The following AK5 variants were observed in gnomAD, a reference collection of about 807,000 sequenced individuals.
The protein encoded by AK5 is adenylate kinase 5.
A neutral mutation model predicts 69.5 loss-of-function variants in AK5; 27 were observed. The observed-to-expected ratio is 0.39, with a 90% CI of 0.29 to 0.54. AK5 has a LOEUF of 0.54. AK5 is among the 20% of genes least tolerant of loss of function. The pLI is 0.71. For missense variants in AK5, 531 were observed against 700.4 expected (o/e 0.76, Z 2.73); for synonymous variants, 260 against 244.4 (o/e 1.06, Z -0.60).
At chr1:77,384,057 A>T (rs949107560) in intron 6 of AK5, among the ~76,000 whole-genome samples, 1 of 152,140 alleles carries the variant, frequency 6.6e-6, no homozygotes, top group African/African-American at 2.4e-5. Flanking sequence ...TCACATTTTT[A>T]AAAAAAGCCA....
At chr1:77,425,790 G>A (rs1651167255) in intron 8 of AK5, among the ~76,000 whole-genome samples, 1 of 152,124 alleles carries the variant, frequency 6.6e-6, no homozygotes, top group Admixed American at 6.5e-5. Context: ...ACATGTTTAT[G>A]TGTAAGTGAA....
intron 8 of AK5, among the ~76,000 whole-genome samples, chr1:77,429,628 C>A (rs1020608886): frequency 6.6e-6 from 1 of 152,120 alleles, no homozygotes; most frequent in Admixed American, 6.5e-5. Context: ...GTGCATGGTG[C>A]TGTGTGTAGA....
At chr1:77,367,411 C>G (rs1646970218) in intron 6 of AK5, among the ~76,000 whole-genome samples, 1 of 149,430 alleles carries the variant, frequency 6.7e-6, no homozygotes, top group Non-Finnish European at 1.5e-5. Context: ...CCACTGAGAC[C>G]TCCCAGGCTC....
chr1:77,301,828 T>C (rs190493484), intron 5 of AK5, among the ~76,000 whole-genome samples: 32 of 152,322 alleles, frequency 2.1e-4, no homozygotes, highest in African/African-American at 7.7e-4. Context: ...TGAACCACAG[T>C]GAATCCTGTT....
At chr1:77,379,661 C>A (rs997201672) in intron 6 of AK5, among the ~76,000 whole-genome samples, 39 of 152,104 alleles carry the variant, frequency 2.6e-4, no homozygotes, top group African/African-American at 9.4e-4. Flanking sequence ...TTAAGCAGGG[C>A]ACATCTATCT....
At chr1:77,344,864 C>A (rs920801980) in intron 6 of AK5, among the ~76,000 whole-genome samples, 1 of 151,646 alleles carries the variant, frequency 6.6e-6, no homozygotes, top group African/African-American at 2.4e-5. Context: ...ATCCCTCATC[C>A]CCCTCAGGAA....
chr1:77,462,297 T>TTGAATAGATGGA (rs562296210), intron 8 of AK5, among the ~76,000 whole-genome samples: 59 of 125,540 alleles, frequency 4.7e-4, no homozygotes, highest in East Asian at 2.2e-3. Context: ...CAAATATTTG[T>TTGAATAGATGGA]TGGATAGATG....
chr1:77,449,558 G>A (rs1435997313), intron 8 of AK5, among the ~76,000 whole-genome samples: 1 of 152,202 alleles, frequency 6.6e-6, no homozygotes, highest in African/African-American at 2.4e-5. Flanking sequence ...GGACTTTTGA[G>A]TTAATGCTGA....
chr1:77,486,175 T>C, intron 9 of AK5, 133 bp from the exon 10 acceptor site: 1 of 612,498 alleles, frequency 1.6e-6, no homozygotes, highest in Non-Finnish European at 2.9e-6. Context: ...TTGTAGCCTA[T>C]TCACACATTT....
chr1:77,448,370 G>A (rs1652886678), intron 8 of AK5, among the ~76,000 whole-genome samples: 1 of 152,162 alleles, frequency 6.6e-6, no homozygotes, highest in South Asian at 2.1e-4. Flanking sequence ...GGGACAACCT[G>A]CCTGCAGATA....
At chr1:77,523,490 G>C (rs1363960105) in intron 12 of AK5, among the ~76,000 whole-genome samples, 1 of 152,146 alleles carries the variant, frequency 6.6e-6, no homozygotes, top group Admixed American at 6.5e-5. Context: ...AGATGGAATT[G>C]GGAGCGTTGT....
chr1:77,351,549 A>G (rs1662200430), intron 6 of AK5, among the ~76,000 whole-genome samples: 3 of 152,186 alleles, frequency 2.0e-5, no homozygotes, highest in Admixed American at 1.3e-4. Flanking sequence ...TTCTGTTCCA[A>G]CATCTTTAAT....
At chr1:77,327,390 C>CAAAAAA (rs4033041) in intron 5 of AK5, among the ~76,000 whole-genome samples, 1 of 128,976 alleles carries the variant, frequency 7.8e-6, no homozygotes, top group Non-Finnish European at 1.6e-5. Flanking sequence ...GATCCTGTCT[C>CAAAAAA]AAAAAAAAAA....
intron 13 of AK5, among the ~76,000 whole-genome samples, chr1:77,546,215 T>C (rs1053204231): frequency 6.6e-6 from 1 of 152,154 alleles, no homozygotes; most frequent in African/African-American, 2.4e-5. Context: ...TCTTCCTCTG[T>C]GGTTGCTATA....
intron 12 of AK5, among the ~76,000 whole-genome samples, chr1:77,533,729 C>G (rs920070551): frequency 6.6e-6 from 1 of 152,040 alleles, no homozygotes; most frequent in Non-Finnish European, 1.5e-5. Context: ...CATATAATCT[C>G]TGTTTGTACC....
chr1:77,365,397 A>T (rs1345748670), intron 6 of AK5, among the ~76,000 whole-genome samples: 1 of 152,198 alleles, frequency 6.6e-6, no homozygotes, highest in Admixed American at 6.5e-5. Flanking sequence ...TGCAGCCTCA[A>T]ACTCCTGGGT....
intron 6 of AK5, among the ~76,000 whole-genome samples, chr1:77,376,433 C>CAAAAAAAAAAAAAA (rs757594684): frequency 3.0e-4 from 4 of 13,430 alleles, no homozygotes; most frequent in Non-Finnish European, 4.1e-4. Context: ...CACTCAATGC[C>CAAAAAAAAAAAAAA]AAAAAAAAAA....
At chr1:77,328,993 G>A (rs1344204234) in intron 5 of AK5, among the ~76,000 whole-genome samples, 1 of 152,084 alleles carries the variant, frequency 6.6e-6, no homozygotes, top group Non-Finnish European at 1.5e-5. Flanking sequence ...AGCAAAGGGG[G>A]CTGAACTCCC....
chr1:77,368,213 T>C (rs1647035065), intron 6 of AK5, among the ~76,000 whole-genome samples: 1 of 38,850 alleles, frequency 2.6e-5, no homozygotes, highest in East Asian at 4.4e-3. Flanking sequence ...AGAGTAGAGA[T>C]ACTATATATA....
Sources: allele counts gnomAD v4.1 joint callset (sites outside exome capture counted in the v4.1 genomes callset), GRCh38; gene constraint gnomAD v4.1.1; transcripts MANE v1.5; gene names NCBI Gene and HGNC (gene_info 2026-07-23, HGNC 2026-07-21).